The following ABCC6 variants were observed in gnomAD, a reference collection of about 807,000 sequenced individuals.
The protein encoded by ABCC6 is ATP binding cassette subfamily C member 6.
ABCC6 carries 126 observed loss-of-function variants against 169.5 expected under a neutral mutation model. The observed-to-expected ratio is 0.74, with a 90% CI of 0.64 to 0.86. The LOEUF is 0.86. Ranked by LOEUF, ABCC6 falls within the 40% of genes least tolerant of loss-of-function variation. ABCC6 has a pLI of 0.00. For synonymous variants in ABCC6, 752 were observed against 814.7 expected, an observed-to-expected ratio of 0.92 and a Z score of 1.31; for missense variants, 1,733 against 1,927.2, an observed-to-expected ratio of 0.90 and a Z score of 1.89.
intron 14 of ABCC6, 77 bp from the exon 15 acceptor site, chr16:16,185,111 A>AT: frequency 7.5e-7 from 1 of 1,333,066 alleles, no homozygotes; most frequent in East Asian, 2.3e-5. Context: ...CCCAGGCACC[A>AT]TCCCCCGCCC....
At chr16:16,205,825 A>G (rs1200069116) in intron 7 of ABCC6, among the ~76,000 whole-genome samples, 2 of 152,200 alleles carry the variant, frequency 1.3e-5, no homozygotes, top group Non-Finnish European at 2.9e-5. Flanking sequence ...GTAGGAGCTC[A>G]ATAAACACTT....
rs2152235920 is a variant in ABCC6 at position 16,169,860 on chromosome 16, C to T, written c.2788-7G>A. On this transcript the variant is annotated splice_region_variant and splice_polypyrimidine_tract_variant and intron_variant, in intron 21 of 30. Coordinates refer to ENST00000205557, the MANE Select transcript of ABCC6 (RefSeq NM_001171.6). The stretch of plus-strand genomic sequence containing the variant: ...GGTGCACTGTGGCCTTCACCTGTAG[C>T]ACACATGAGGGAGAGGGAGGCAGAG... 1 of 1,551,510 alleles carries T rather than the reference C, an allele frequency of 6.4e-7. No individual in the cohort carries two copies. The highest frequency in any genetic ancestry group is 2.0e-5 in the Admixed American group (1 of 51,052).
At position 16,155,980 on chromosome 16, in the gene ABCC6, A is replaced by G. The variant is rs180791465; in HGVS notation, c.3883-949T>C. On this transcript the variant is annotated intron_variant, in intron 27 of 30. Coordinates refer to ENST00000205557, the MANE Select transcript of ABCC6 (RefSeq NM_001171.6). ...GCCCAGGCTGGAGTGCAGTGGTGCGATCTCAGCTCACTGCAACCTCCACCT... is the reference window on the plus strand; with the variant it reads ...GCCCAGGCTGGAGTGCAGTGGTGCGGTCTCAGCTCACTGCAACCTCCACCT... Among the ~76,000 whole-genome samples, 345 of 152,240 alleles carry G rather than the reference A, an allele frequency of 2.3e-3. 2 individuals are homozygous for G. Among genetic ancestry groups the G allele is most frequent in the African/African-American group, 7.3e-3 (303 of 41,524 alleles).
intron 21 of ABCC6, among the ~76,000 whole-genome samples, chr16:16,170,689 G>C (rs897864615): frequency 1.3e-5 from 2 of 151,926 alleles, no homozygotes; most frequent in South Asian, 4.1e-4. Context: ...AGGCCAAGGC[G>C]GGTGTGTCAC....
At chr16:16,170,068 C>T (rs1029653986) in intron 21 of ABCC6, among the ~76,000 whole-genome samples, 1 of 150,282 alleles carries the variant, frequency 6.7e-6, no homozygotes, top group Admixed American at 6.7e-5. Flanking sequence ...ATACAATCCC[C>T]AGGGAGCTAG....
chr16:16,194,840 C>T (rs373434603), intron 10 of ABCC6, among the ~76,000 whole-genome samples: 3 of 151,858 alleles, frequency 2.0e-5, no homozygotes, highest in Non-Finnish European at 4.4e-5. Flanking sequence ...ATGTGTCACT[C>T]GGCTAATTTT....
chr16:16,165,034 C>G lies in ABCC6; in HGVS notation c.3306+589G>C, dbSNP rs143253812. Among the ~76,000 whole-genome samples, 632 of 152,358 alleles carry G rather than the reference C, an allele frequency of 4.1e-3. 3 individuals are homozygous for G. Among genetic ancestry groups the G allele is most frequent in the African/African-American group, 0.014 (598 of 41,578 alleles). ...TAATAGCCTTTGAGACCTTGCAATGCCTTTTTGGCTTCCAGATAATTGGAG... is the reference window on the plus strand; with the variant it reads ...TAATAGCCTTTGAGACCTTGCAATGGCTTTTTGGCTTCCAGATAATTGGAG... On this transcript the variant is annotated intron_variant, in intron 23 of 30. Transcript: ENST00000205557.
intron 4 of ABCC6, among the ~76,000 whole-genome samples, chr16:16,217,936 A>G (rs1160979793): frequency 1.2e-4 from 18 of 152,150 alleles, no homozygotes; most frequent in Admixed American, 5.9e-4. Flanking sequence ...CTAAAAATAC[A>G]AAAATTAGCT....
At chr16:16,152,485 C>T (rs1356040108) in intron 29 of ABCC6, among the ~76,000 whole-genome samples, 1 of 152,066 alleles carries the variant, frequency 6.6e-6, no homozygotes, top group Admixed American at 6.6e-5. Flanking sequence ...TGACGTCAGG[C>T]AAGCCCCAGG....
At chr16:16,156,238 G>A (rs1274228349) in intron 27 of ABCC6, among the ~76,000 whole-genome samples, 1 of 152,172 alleles carries the variant, frequency 6.6e-6, no homozygotes, top group Admixed American at 6.6e-5. Context: ...TATTATCAAG[G>A]TCTGGACCTC....
At chr16:16,200,379 G>A (rs1378852815) in intron 9 of ABCC6, among the ~76,000 whole-genome samples, 3 of 150,014 alleles carry the variant, frequency 2.0e-5, no homozygotes, top group Non-Finnish European at 3.0e-5. Context: ...TAGTGAGCCG[G>A]GACTGTGCCA....
chr16:16,163,304 G>C, intron 23 of ABCC6, 112 bp from the exon 24 acceptor site: 1 of 1,022,250 alleles, frequency 9.8e-7, no homozygotes, highest in South Asian at 1.4e-5. Flanking sequence ...TCTGTTAACA[G>C]CTTACTGTGT....
In ABCC6 at chr16:16,188,926, T is replaced by C. The variant is rs575023438; in HGVS notation, c.1684A>G (p.Met562Val). 3.1e-6 allele frequency: 5 copies of C among 1,614,080 alleles called. No homozygotes were observed. The highest frequency in any genetic ancestry group is 3.3e-5 in the Admixed American group (2 of 60,022). Residue 562 changes from methionine to valine, a missense_variant, in exon 13 of 31, where the codon ATG (methionine) becomes GTG (valine). This residue lies in a region of ABCC6 where 1,601 missense variants were observed against 1,635.5 expected (regional missense o/e 0.98). Transcript: ENST00000205557. The stretch of plus-strand genomic sequence containing the variant: ...GTCACAAAGGCTTTCTCTGCATTCA[T>C]AGCATTCTCGGCCACCAGAGTGTGG... ...AVHTLVAENA[M>V]NAEKAFVTLT...
At chr16:16,186,980 GCAGA>G in intron 14 of ABCC6, 140 bp downstream of exon 14, 2 of 722,186 alleles carry the variant, frequency 2.8e-6, no homozygotes, top group Non-Finnish European at 4.8e-6. Context: ...CAAGTGACAC[GCAGA>G]TGGCGTGATC....
chr16:16,168,715 G>A (rs4781732), intron 22 of ABCC6, among the ~76,000 whole-genome samples: 48,986 of 151,710 alleles, frequency 0.32, 8,235 homozygotes, highest in Non-Finnish European at 0.38. Context: ...GCGAGAGACT[G>A]AACAGGGGAT....
At position 16,188,320 on chromosome 16, in the gene ABCC6, A is replaced by T. The variant is rs922511599; in HGVS notation, c.1779+511T>A. On this transcript the variant is annotated intron_variant, in intron 13 of 30. Coordinates refer to ENST00000205557, the MANE Select transcript of ABCC6 (RefSeq NM_001171.6). ...GGCAGGAGAATCACTTGAATCTGCG[A>T]GGTAGATCTTGCAGTGAGCCGAGAT... Among the ~76,000 whole-genome samples the T allele has an allele frequency of 2.0e-5, 3 of 151,996 alleles. No individual in the cohort carries two copies. In the East Asian group the frequency reaches 5.8e-4, roughly 29 times the overall value.
At chr16:16,166,003 A>T (rs528033301) in intron 22 of ABCC6, 70 bp from the exon 23 acceptor site, 3 of 1,502,128 alleles carry the variant, frequency 2.0e-6, no homozygotes, top group Non-Finnish European at 9.1e-7. Flanking sequence ...GGCCCTGCGC[A>T]GGTCTCTCCC....
chr16:16,193,424 T>C (rs915330983), intron 10 of ABCC6, among the ~76,000 whole-genome samples: 1 of 152,094 alleles, frequency 6.6e-6, no homozygotes, highest in African/African-American at 2.4e-5. Flanking sequence ...CTAAAAAACT[T>C]GCTTTTGGCC....
intron 21 of ABCC6, among the ~76,000 whole-genome samples, chr16:16,172,573 G>A (rs2047152633): frequency 6.6e-6 from 1 of 152,070 alleles, no homozygotes; most frequent in Admixed American, 6.6e-5. Context: ...TAGGTGGGTG[G>A]GTGGATGAGC....
Sources: allele counts gnomAD v4.1 joint callset (sites outside exome capture counted in the v4.1 genomes callset), GRCh38; gene constraint gnomAD v4.1.1; regional missense constraint gnomAD v4.1.1; transcripts MANE v1.5; gene names NCBI Gene and HGNC (gene_info 2026-07-23, HGNC 2026-07-21).